The following ASCC3 variants were observed in gnomAD, a reference collection of about 807,000 sequenced individuals.
ASCC3 encodes the protein ASC-1 complex subunit P200.
ASCC3 carries 158 observed loss-of-function variants against 256.3 expected under a neutral mutation model. That is an observed-to-expected ratio of 0.62 (90% CI 0.54 to 0.70). ASCC3 has a LOEUF of 0.70. Among genes scored for constraint, ASCC3 ranks in the 30% least tolerant of loss-of-function variants. The pLI, the probability that ASCC3 is intolerant of heterozygous loss-of-function variation, is 0.00. For synonymous variants in ASCC3, 948 were observed against 883.4 expected, an observed-to-expected ratio of 1.07 and a Z score of -1.30; for missense variants, 2,259 against 2,626.0, an observed-to-expected ratio of 0.86 and a Z score of 3.05.
intron 36 of ASCC3, among the ~76,000 whole-genome samples, chr6:100,549,199 C>T (rs1769170502): frequency 6.6e-6 from 1 of 151,756 alleles, no homozygotes; most frequent in Admixed American, 6.6e-5. Context: ...AAATGTTGTG[C>T]AAAAATAGTT....
At position 100,673,099 on chromosome 6, in the gene ASCC3, G is replaced by A. The variant is rs11757351; in HGVS notation, c.2286+6519C>T. Among the ~76,000 whole-genome samples, 77 of 152,116 alleles carry A rather than the reference G, an allele frequency of 5.1e-4. 1 individual carries two copies. Among genetic ancestry groups the A allele is most frequent in the Non-Finnish European group, 9.9e-4 (67 of 67,948 alleles). ...GAAAGTGCTATTTGCTCTGTTTCAT[G>A]TCATATTCCTTGAAAGATGATCCTA... On this transcript the variant is annotated intron_variant, in intron 14 of 41. Coordinates refer to ENST00000369162, the MANE Select transcript of ASCC3 (RefSeq NM_006828.4).
chr6:100,537,111 A>G (rs1775199761), intron 37 of ASCC3, among the ~76,000 whole-genome samples: 1 of 152,182 alleles, frequency 6.6e-6, no homozygotes, highest in African/African-American at 2.4e-5. Context: ...TTTCTCCCCA[A>G]ATATATTTAT....
At position 100,530,831 on chromosome 6, in the gene ASCC3, G is replaced by A. The variant is rs150137992; in HGVS notation, c.5775+9332C>T. On this transcript the variant is annotated intron_variant, in intron 37 of 41. Coordinates refer to ENST00000369162, the MANE Select transcript of ASCC3 (RefSeq NM_006828.4). ...TGGCCATTGCCTACTGGAACTTAGT[G>A]CTTAATAGAAGATTTAAATTCTTAG... The A allele has an allele frequency of 2.4e-4, 292 of 1,238,180 alleles. No homozygotes were observed. The African/African-American group carries it at 3.4e-3, about 14-fold the overall frequency. 76.7% of individuals were successfully genotyped at this position (1,238,180 alleles called of 1,614,324 possible).
chr6:100,820,350 C>A (rs1277311070), intron 4 of ASCC3, among the ~76,000 whole-genome samples: 1 of 152,080 alleles, frequency 6.6e-6, no homozygotes, highest in East Asian at 1.9e-4. Context: ...TATGGTCAAC[C>A]AATTTTTTAA....
chr6:100,675,895 C>T (rs932073475), intron 14 of ASCC3, among the ~76,000 whole-genome samples: 2 of 152,052 alleles, frequency 1.3e-5, no homozygotes, highest in Non-Finnish European at 2.9e-5. Context: ...TGATTGAGAT[C>T]TCAAGTAAAA....
chr6:100,846,666 G>A (rs958279224), intron 4 of ASCC3, among the ~76,000 whole-genome samples: 5 of 152,134 alleles, frequency 3.3e-5, no homozygotes, highest in Non-Finnish European at 7.4e-5. Flanking sequence ...TCTGAAAACA[G>A]TGTTCAAGCC....
At position 100,538,850 on chromosome 6, in the gene ASCC3, A is replaced by G. The variant is rs538434612; in HGVS notation, c.5775+1313T>C. 2.6e-5 allele frequency among the ~76,000 whole-genome samples: 4 copies of G among 152,108 alleles called. No individual in the cohort carries two copies. The South Asian group carries it at 8.3e-4, about 32-fold the overall frequency. ...ACTTAAATCTTTTGAAAATTTTAAA[A>G]ATGGGTTTTATGAAAAAAAAAATGT... On this transcript the variant is annotated intron_variant, in intron 37 of 41. Transcript: ENST00000369162.
chr6:100,547,848 T>C, intron 36 of ASCC3, among the ~76,000 whole-genome samples: 1 of 152,034 alleles, frequency 6.6e-6, no homozygotes, highest in Admixed American at 6.6e-5. Flanking sequence ...TACACAGTAG[T>C]TGGCAGCAGC....
In ASCC3 at chr6:100,566,702, C is replaced by T. The variant is rs77430767; in HGVS notation, c.5550+22932G>A. On this transcript the variant is annotated intron_variant, in intron 36 of 41. Coordinates refer to ENST00000369162, the MANE Select transcript of ASCC3 (RefSeq NM_006828.4). The stretch of plus-strand genomic sequence containing the variant: ...GTTTTTTTAAGGACATTGCTTCTTC[C>T]TGTATTATCTCCCCACCCCATCCCT... Among the ~76,000 whole-genome samples the T allele has an allele frequency of 3.1e-3, 473 of 152,138 alleles. 2 individuals carry two copies. The highest frequency in any genetic ancestry group is 0.011 in the African/African-American group (451 of 41,518).
rs1772848195 is a variant in ASCC3, at chr6:100,605,695, G to A, written c.5050C>T (p.Leu1684Phe). 1 of 1,613,220 alleles carries A rather than the reference G, an allele frequency of 6.2e-7. No individual in the cohort carries two copies. The highest frequency in any genetic ancestry group is 1.3e-5 in the African/African-American group (1 of 74,882). ...RYVDFPITDVLQMMGRAGRPQ... is the reference protein window; with the variant it reads ...RYVDFPITDVFQMMGRAGRPQ... ...CTCCCAGCACGCCCCATCATCTGGA[G>A]GACATCTTTAAAAGAGAGAACAAAG... Residue 1684 changes from leucine (L) to phenylalanine (F), a missense_variant, in exon 33 of 42, where the codon CTC (leucine) becomes TTC (phenylalanine). Leu to Phe is a conservative substitution (Grantham distance 22, BLOSUM62 0). Transcript: ENST00000369162.
chr6:100,720,038 T>C (rs1779254397), intron 11 of ASCC3, among the ~76,000 whole-genome samples: 1 of 152,018 alleles, frequency 6.6e-6, no homozygotes, highest in Non-Finnish European at 1.5e-5. Context: ...AAGGCACTTC[T>C]ACATTAGTTA....
chr6:100,618,072 A>G (rs2114839917), intron 30 of ASCC3, among the ~76,000 whole-genome samples: 1 of 152,348 alleles, frequency 6.6e-6, no homozygotes, highest in South Asian at 2.1e-4. Flanking sequence ...TGAATACTTT[A>G]CAGATTCTGA....
At chr6:100,537,498 T>C (rs1359966230) in intron 37 of ASCC3, among the ~76,000 whole-genome samples, 2 of 152,094 alleles carry the variant, frequency 1.3e-5, no homozygotes, top group Non-Finnish European at 2.9e-5. Context: ...TGACAAAATT[T>C]GAATAGGTCT....
At chr6:100,812,476 G>C (rs894173195) in intron 4 of ASCC3, among the ~76,000 whole-genome samples, 4 of 151,444 alleles carry the variant, frequency 2.6e-5, no homozygotes, top group African/African-American at 9.7e-5. Context: ...AAATGAAATA[G>C]GAAACTGAGA....
chr6:100,681,895 C>T (rs970242947), intron 13 of ASCC3, among the ~76,000 whole-genome samples: 2 of 151,974 alleles, frequency 1.3e-5, no homozygotes, highest in African/African-American at 4.8e-5. Context: ...GGGCAAACAT[C>T]TTTACTTCAT....
At chr6:100,869,171 T>C (rs1298168607) in intron 1 of ASCC3, among the ~76,000 whole-genome samples, 2 of 152,196 alleles carry the variant, frequency 1.3e-5, no homozygotes, top group Non-Finnish European at 2.9e-5. Context: ...AGGGGACTAC[T>C]GATTTCTACT....
intron 24 of ASCC3, among the ~76,000 whole-genome samples, chr6:100,641,645 C>G (rs186674226): frequency 6.6e-6 from 1 of 152,088 alleles, no homozygotes; most frequent in Non-Finnish European, 1.5e-5. Context: ...ACCATTTGAC[C>G]CAGCCATCCC....
rs1056525419 is a variant in ASCC3, at chr6:100,803,014, A to C, written c.923-2510T>G. Among the ~76,000 whole-genome samples, 3 of 152,164 alleles carry C rather than the reference A, an allele frequency of 2.0e-5. No individual in the cohort carries two copies. The East Asian group carries it at 5.8e-4, about 29-fold the overall frequency. The stretch of plus-strand genomic sequence containing the variant: ...GAGTGTGAGGGCGTGTCTTAAAAAC[A>C]AAAGCTAGAATCAGTAAATATCTCT... On this transcript the variant is annotated intron_variant, in intron 5 of 41. Coordinates refer to ENST00000369162, the MANE Select transcript of ASCC3 (RefSeq NM_006828.4).
chr6:100,570,677 C>A (rs1198057546), intron 36 of ASCC3, among the ~76,000 whole-genome samples: 1 of 152,082 alleles, frequency 6.6e-6, no homozygotes, highest in African/African-American at 2.4e-5. Flanking sequence ...TCAACCAATT[C>A]AATGACTTTG....
Sources: gnomAD v4.1 joint callset for allele counts (sites outside exome capture counted in the v4.1 genomes callset) on GRCh38, gnomAD v4.1.1 for gene constraint, MANE v1.5 for transcripts, NCBI Gene and HGNC (gene_info 2026-07-23, HGNC 2026-07-21) for gene names.